FRYL: variants seen among roughly 807,000 people sequenced by gnomAD.
FRYL encodes the protein protein furry homolog-like.
Under a neutral mutation model 351.2 loss-of-function variants are expected in FRYL, and 150 were observed. That is an observed-to-expected ratio of 0.43 (90% CI 0.37 to 0.49). The LOEUF is 0.49. Among genes scored for constraint, FRYL ranks in the 20% least tolerant of loss-of-function variants. FRYL has a pLI of 0.00. For synonymous variants in FRYL, 1,153 were observed against 1,257.1 expected (o/e 0.92, Z 1.75); for missense variants, 3,036 against 3,619.3 (o/e 0.84, Z 4.13).
intron 56 of FRYL, among the ~76,000 whole-genome samples, chr4:48,514,323 G>A (rs1262223790): frequency 6.6e-6 from 1 of 152,082 alleles, no homozygotes; most frequent in Non-Finnish European, 1.5e-5. Context: ...AAATATTTGT[G>A]AAATTTAAAC....
At chr4:48,502,686 G>T in intron 61 of FRYL, 142 bp downstream of exon 61, 1 of 545,328 alleles carries the variant, frequency 1.8e-6, no homozygotes, top group African/African-American at 1.9e-5. Context: ...TCATGGATTA[G>T]GGCTTTGCAA....
intron 11 of FRYL, among the ~76,000 whole-genome samples, chr4:48,604,067 C>T (rs1354463096): frequency 6.6e-6 from 1 of 152,192 alleles, no homozygotes; most frequent in Non-Finnish European, 1.5e-5. Context: ...TTACTCTCCA[C>T]AATCTGACAT....
intron 1 of FRYL, among the ~76,000 whole-genome samples, chr4:48,722,998 CT>C (rs1560315726): frequency 6.6e-6 from 1 of 152,128 alleles, no homozygotes; most frequent in African/African-American, 2.4e-5. Flanking sequence ...AATCTCACAT[CT>C]TTTTTTCTCT....
intron 1 of FRYL, among the ~76,000 whole-genome samples, chr4:48,711,290 C>G (rs1346470707): frequency 2.6e-5 from 4 of 152,234 alleles, no homozygotes; most frequent in Non-Finnish European, 5.9e-5. Context: ...CGCAAGGGGT[C>G]AGGGAGTTCC....
intron 1 of FRYL, among the ~76,000 whole-genome samples, chr4:48,731,039 G>C (rs1460825412): frequency 6.6e-6 from 1 of 150,778 alleles, no homozygotes; most frequent in Non-Finnish European, 1.5e-5. Flanking sequence ...CCAAGCAAAT[G>C]GAAAGCAAAA....
At chr4:48,767,886 C>T (rs1310458911) in intron 1 of FRYL, among the ~76,000 whole-genome samples, 3 of 152,134 alleles carry the variant, frequency 2.0e-5, no homozygotes, top group Non-Finnish European at 4.4e-5. Context: ...GCAAGGACGC[C>T]AACAGCACAA....
At chr4:48,677,851 T>C (rs1763974427) in intron 3 of FRYL, among the ~76,000 whole-genome samples, 1 of 152,234 alleles carries the variant, frequency 6.6e-6, no homozygotes, top group African/African-American at 2.4e-5. Flanking sequence ...ATGAAGTCTC[T>C]CCATATCATC....
At chr4:48,709,172 G>A (rs1018593206) in intron 2 of FRYL, among the ~76,000 whole-genome samples, 7 of 151,926 alleles carry the variant, frequency 4.6e-5, no homozygotes, top group African/African-American at 9.7e-5. Flanking sequence ...TGCCCGCCTC[G>A]GCTTCCCAAA....
chr4:48,583,681 T>A (rs2149172860), intron 19 of FRYL, among the ~76,000 whole-genome samples: 1 of 151,712 alleles, frequency 6.6e-6, no homozygotes, highest in Non-Finnish European at 1.5e-5. Flanking sequence ...GGCAGGTGAA[T>A]CACTTGAGGT....
At chr4:48,674,350 A>G (rs2149515629) in intron 3 of FRYL, among the ~76,000 whole-genome samples, 1 of 152,220 alleles carries the variant, frequency 6.6e-6, no homozygotes, top group Non-Finnish European at 1.5e-5. Flanking sequence ...TTAGGACTCT[A>G]CACACACACA....
intron 3 of FRYL, among the ~76,000 whole-genome samples, chr4:48,676,974 T>G (rs1237816261): frequency 6.6e-6 from 1 of 152,242 alleles, no homozygotes; most frequent in African/African-American, 2.4e-5. Context: ...CCAATTCTTG[T>G]TAAGCCCACA....
Position 48,576,228 on chromosome 4 carries a change from G to GA in FRYL, c.2529-7dup, listed in dbSNP as rs200906045. The GA allele has an allele frequency of 7.5e-4, 1,112 of 1,488,626 alleles. No homozygotes were observed. The highest frequency in any genetic ancestry group is 1.7e-3 in the South Asian group (126 of 74,352). 92.2% of individuals were successfully genotyped at this position (1,488,626 alleles called of 1,614,324 possible). A position where few individuals can be genotyped will look rare whatever the true frequency, so the allele number is the denominator to read the frequency against. ...TCTTAGCATTGATGGGGCTACTAAG[G>GA]AAAAAAAAAGAAAAATAGGCAGATA... On this transcript the variant is annotated splice_polypyrimidine_tract_variant and splice_region_variant and intron_variant, in intron 23 of 63. Coordinates refer to ENST00000358350, the MANE Select transcript of FRYL (RefSeq NM_015030.2).
intron 1 of FRYL, among the ~76,000 whole-genome samples, chr4:48,760,703 C>T (rs1265613700): frequency 1.3e-5 from 2 of 151,876 alleles, no homozygotes; most frequent in Admixed American, 1.3e-4. Context: ...TAGAGACAGA[C>T]TCTCACTCTG....
chr4:48,573,643 G>A (rs1408451294), intron 25 of FRYL, among the ~76,000 whole-genome samples: 3 of 152,048 alleles, frequency 2.0e-5, no homozygotes, highest in African/African-American at 4.8e-5. Context: ...TACGCCTCCC[G>A]GATTCAAGTG....
chr4:48,742,453 G>C (rs1199880382), intron 1 of FRYL, among the ~76,000 whole-genome samples: 1 of 152,062 alleles, frequency 6.6e-6, no homozygotes, highest in Admixed American at 6.6e-5. Context: ...TCATCATGTT[G>C]GATGCCACAG....
chr4:48,601,091 A>C (rs1399851254), intron 13 of FRYL, among the ~76,000 whole-genome samples: 2 of 152,190 alleles, frequency 1.3e-5, no homozygotes, highest in Non-Finnish European at 2.9e-5. Context: ...CTGAAATATG[A>C]AAGAAGATCC....
At chr4:48,732,159 A>G (rs1019149845) in intron 1 of FRYL, among the ~76,000 whole-genome samples, 4 of 152,252 alleles carry the variant, frequency 2.6e-5, no homozygotes, top group Non-Finnish European at 5.9e-5. Context: ...TACGCAGCCA[A>G]CAGACATTTG....
chr4:48,528,145 G>A (rs1048668463), intron 51 of FRYL, 30 bp downstream of exon 51: 1 of 1,599,622 alleles, frequency 6.3e-7, no homozygotes, highest in African/African-American at 1.3e-5. Flanking sequence ...TCTGTTCTAT[G>A]AATGTTCCAT....
intron 1 of FRYL, chr4:48,727,521 T>C (rs1285019823): frequency 6.6e-6 from 1 of 152,138 alleles, no homozygotes; most frequent in East Asian, 1.9e-4. Flanking sequence ...GGAGGATCAG[T>C]GTAAGAAAGT....
Sources: gnomAD v4.1 joint callset for allele counts (sites outside exome capture counted in the v4.1 genomes callset) on GRCh38, gnomAD v4.1.1 for gene constraint, MANE v1.5 for transcripts, NCBI Gene and HGNC (gene_info 2026-07-23, HGNC 2026-07-21) for gene names.